ZFHX4: variants seen among roughly 807,000 people sequenced by gnomAD.
ZFHX4 encodes zinc finger homeobox protein 4.
A neutral mutation model predicts 267.6 loss-of-function variants in ZFHX4; 56 were observed. The ratio of observed to expected loss-of-function variants is 0.21; its 90% CI spans 0.17 to 0.26. The LOEUF is 0.26. Among genes scored for constraint, ZFHX4 ranks in the 10% least tolerant of loss-of-function variants. ZFHX4 has a pLI of 1.00. For missense variants in ZFHX4, 4,332 were observed against 4,420.0 expected (o/e 0.98, Z 0.56); for synonymous variants, 1,778 against 1,665.6 (o/e 1.07, Z -1.64).
chr8:76,772,691 ATTT>A (rs1471991552), intron 3 of ZFHX4, among the ~76,000 whole-genome samples: 1 of 152,074 alleles, frequency 6.6e-6, no homozygotes, highest in Non-Finnish European at 1.5e-5. Context: ...CACCTAACAT[ATTT>A]TGGTGACTTC....
intron 3 of ZFHX4, among the ~76,000 whole-genome samples, chr8:76,752,662 C>G (rs1809651782): frequency 6.6e-6 from 1 of 151,958 alleles, no homozygotes; most frequent in Non-Finnish European, 1.5e-5. Context: ...TAAAGTGAGA[C>G]TCTGTCTCAA....
intron 4 of ZFHX4, among the ~76,000 whole-genome samples, chr8:76,817,529 C>T (rs1489462637): frequency 2.0e-5 from 3 of 152,156 alleles, no homozygotes; most frequent in Non-Finnish European, 4.4e-5. Flanking sequence ...ACTCTTATTT[C>T]ATCCTCCAGA....
Position 76,866,541 on chromosome 8 carries a change from G to A in ZFHX4, c.*1976G>A, listed in dbSNP as rs1813036954. The stretch of plus-strand genomic sequence containing the variant: ...ATTGTGTTTCGTAAGAGACAACATG[G>A]CCTCCTAAGGTGCAATCCTGCCGCT... On this transcript the variant is annotated 3_prime_UTR_variant, in exon 11 of 11. Coordinates refer to ENST00000651372, the MANE Select transcript of ZFHX4 (RefSeq NM_024721.5). 1 of 151,644 alleles carries A rather than the reference G, an allele frequency of 6.6e-6. No individual in the cohort carries two copies. The allele number at this position is 151,644 out of a possible 1,614,324, so 9.4% of individuals were successfully genotyped here.
chr8:76,838,858 C>A (rs979144315), intron 5 of ZFHX4, among the ~76,000 whole-genome samples: 1 of 152,018 alleles, frequency 6.6e-6, no homozygotes, highest in Non-Finnish European at 1.5e-5. Flanking sequence ...AGTTTGAAAC[C>A]AGCCTGGCCA....
chr8:76,743,094 T>C (rs1432766570), intron 3 of ZFHX4, among the ~76,000 whole-genome samples: 1 of 152,166 alleles, frequency 6.6e-6, no homozygotes, highest in Non-Finnish European at 1.5e-5. Flanking sequence ...ATCTTTCCAG[T>C]GCAGAAGTAT....
chr8:76,741,747 A>G (rs1348432497), intron 3 of ZFHX4, among the ~76,000 whole-genome samples: 1 of 152,232 alleles, frequency 6.6e-6, no homozygotes, highest in Non-Finnish European at 1.5e-5. Flanking sequence ...CTCTATTTCC[A>G]GAGTTTCCCA....
At chr8:76,822,197 C>T (rs1363088395) in intron 4 of ZFHX4, among the ~76,000 whole-genome samples, 1 of 152,114 alleles carries the variant, frequency 6.6e-6, no homozygotes, top group East Asian at 1.9e-4. Context: ...GGGCCAAAAA[C>T]ATTGGAATAA....
At chr8:76,816,481 G>C (rs1811508792) in intron 4 of ZFHX4, among the ~76,000 whole-genome samples, 1 of 152,054 alleles carries the variant, frequency 6.6e-6, no homozygotes, top group Admixed American at 6.6e-5. Context: ...CAAGCTCCTT[G>C]AGGGCACAAG....
At chr8:76,759,756 A>G (rs1809861694) in intron 3 of ZFHX4, among the ~76,000 whole-genome samples, 1 of 152,216 alleles carries the variant, frequency 6.6e-6, no homozygotes, top group South Asian at 2.1e-4. Flanking sequence ...TGGAAATAAA[A>G]AATAACTTGT....
intron 6 of ZFHX4, among the ~76,000 whole-genome samples, chr8:76,848,168 A>G (rs1812412957): frequency 6.6e-6 from 1 of 152,196 alleles, no homozygotes; most frequent in African/African-American, 2.4e-5. Context: ...CATGAGATGT[A>G]TGTGACATGC....
rs768954692 is a variant in ZFHX4, at chr8:76,842,786, T to A, written c.3511+15T>A. 2.9e-5 allele frequency: 44 copies of A among 1,531,482 alleles called. No individual in the cohort carries two copies. The highest frequency in any genetic ancestry group is 3.8e-5 in the Non-Finnish European group (43 of 1,129,858). The allele number at this position is 1,531,482 out of a possible 1,614,324, so 94.9% of individuals were successfully genotyped here. A position where few individuals can be genotyped will look rare whatever the true frequency, so the allele number is the denominator to read the frequency against. ...TAAAGACTCTGGTAAGATGCAAGAATCTTTCACCTCGGCATTTCCCTATAC... is the reference window on the plus strand; with the variant it reads ...TAAAGACTCTGGTAAGATGCAAGAAACTTTCACCTCGGCATTTCCCTATAC... On this transcript the variant is annotated intron_variant, in intron 6 of 10. Transcript: ENST00000651372.
chr8:76,842,835 C>G, intron 6 of ZFHX4, 64 bp downstream of exon 6: 2 of 1,157,552 alleles, frequency 1.7e-6, no homozygotes, highest in Non-Finnish European at 2.5e-6. Context: ...TCAACTCTTC[C>G]TTCACCATCC....
intron 8 of ZFHX4, 94 bp downstream of exon 8, chr8:76,849,806 C>A: frequency 1.5e-6 from 2 of 1,300,846 alleles, no homozygotes; most frequent in South Asian, 1.3e-5. Context: ...AAATGTATTT[C>A]TTCAGAGCTA....
intron 4 of ZFHX4, among the ~76,000 whole-genome samples, chr8:76,780,038 C>T (rs1280392220): frequency 6.8e-6 from 1 of 146,574 alleles, no homozygotes; most frequent in Non-Finnish European, 1.5e-5. Context: ...GATTATCCAC[C>T]AAGGATAAAA....
At chr8:76,740,653 C>T (rs1441396194) in intron 3 of ZFHX4, among the ~76,000 whole-genome samples, 1 of 151,962 alleles carries the variant, frequency 6.6e-6, no homozygotes, top group Non-Finnish European at 1.5e-5. Context: ...ATTTGCAAAC[C>T]TTGAAAACTG....
chr8:76,842,663 A>C lies in ZFHX4; in HGVS notation c.3403A>C (p.Ser1135Arg). The change falls in exon 6 of 11, where the codon AGT becomes CGT. Residue 1135 changes from serine (S) to arginine (R), a missense_variant. Transcript: ENST00000651372. ...TCTGCCTTTCTTAACAGAAGAACAA[A>C]GTGAGGAGGCAGAAGGAGCTATTAA... The part of the protein sequence containing the change: ...QQLRSTSEEQ[S>R]EEAEGAIKPT... 2 of 1,551,068 alleles carry C rather than the reference A, an allele frequency of 1.3e-6. No individual in the cohort carries two copies. The highest frequency in any genetic ancestry group is 1.7e-6 in the Non-Finnish European group (2 of 1,146,530).
intron 4 of ZFHX4, among the ~76,000 whole-genome samples, chr8:76,826,195 C>T (rs1377071594): frequency 1.3e-5 from 2 of 152,070 alleles, no homozygotes; most frequent in African/African-American, 4.8e-5. Flanking sequence ...GGGGAAGGTC[C>T]CAGACTCTTT....
chr8:76,776,376 T>A (rs1385146090), intron 3 of ZFHX4, among the ~76,000 whole-genome samples: 11 of 152,092 alleles, frequency 7.2e-5, no homozygotes, highest in Non-Finnish European at 5.9e-5. Flanking sequence ...GCACTCTCTC[T>A]CACACACACT....
intron 4 of ZFHX4, among the ~76,000 whole-genome samples, chr8:76,813,467 G>A (rs1356907145): frequency 6.6e-6 from 1 of 152,046 alleles, no homozygotes; most frequent in Non-Finnish European, 1.5e-5. Context: ...AATTAAAAAG[G>A]ATGTCTGGAA....
Sources: allele counts gnomAD v4.1 joint callset (sites outside exome capture counted in the v4.1 genomes callset), GRCh38; gene constraint gnomAD v4.1.1; transcripts MANE v1.5; gene names NCBI Gene and HGNC (gene_info 2026-07-23, HGNC 2026-07-21).